The following DNAH1 variants were observed in gnomAD, a reference collection of about 807,000 sequenced individuals.
The protein encoded by DNAH1 is dynein axonemal heavy chain 1.
A neutral mutation model predicts 484.3 loss-of-function variants in DNAH1; 327 were observed. The ratio of observed to expected loss-of-function variants is 0.68; its 90% CI spans 0.62 to 0.74. DNAH1 has a LOEUF of 0.74. Among genes scored for constraint, DNAH1 ranks in the 30% least tolerant of loss-of-function variants. The probability of loss-of-function intolerance (pLI) is 0.00; values close to 1 mark genes in which losing one functional copy is unlikely to be tolerated. For synonymous variants in DNAH1, 2,192 were observed against 2,191.9 expected (o/e 1.00, Z 0.00); for missense variants, 5,052 against 5,546.8 (o/e 0.91, Z 2.83).
chr3:52,372,823 C>T, intron 43 of DNAH1, 73 bp from the exon 44 acceptor site: 1 of 1,531,978 alleles, frequency 6.5e-7, no homozygotes, highest in Non-Finnish European at 8.8e-7. Flanking sequence ...GCAAAGCTGC[C>T]ACCCGTTCGC....
chr3:52,318,242 GT>G (rs1701023200), intron 1 of DNAH1, among the ~76,000 whole-genome samples: 1 of 152,218 alleles, frequency 6.6e-6, no homozygotes, highest in Non-Finnish European at 1.5e-5. Flanking sequence ...TAGAGACGGG[GT>G]TTCACCCTGT....
In DNAH1 at chr3:52,372,949, A is replaced by G. The variant is rs369409075; in HGVS notation, c.6881A>G (p.Asp2294Gly). 6.2e-6 allele frequency: 10 copies of G among 1,613,626 alleles called. No individual in the cohort carries two copies. Among genetic ancestry groups the G allele is most frequent in the Non-Finnish European group, 8.5e-6 (10 of 1,179,812 alleles). Reference protein sequence around the residue: ...PLGRNFIFFIDDLNMPALETY... With the variant: ...PLGRNFIFFIGDLNMPALETY... The stretch of plus-strand genomic sequence containing the variant: ...GGGCGCAACTTTATCTTCTTCATCG[A>G]TGACCTGAACATGCCGGCCCTGGAG... The change falls in exon 44 of 78, where the codon GAT becomes GGT. Residue 2294 changes from aspartate to glycine, a missense_variant. By Grantham distance (94) the Asp-to-Gly change is moderately conservative (BLOSUM62 -1). Coordinates refer to ENST00000420323, the MANE Select transcript of DNAH1 (RefSeq NM_015512.5).
At chr3:52,351,106 T>C (rs1027034672) in intron 16 of DNAH1, among the ~76,000 whole-genome samples, 3 of 152,176 alleles carry the variant, frequency 2.0e-5, no homozygotes, top group Non-Finnish European at 4.4e-5. Context: ...CGCCGCGCCC[T>C]CCCAAACTGC....
intron 15 of DNAH1, 71 bp from the exon 16 acceptor site, chr3:52,350,437 G>A: frequency 7.0e-7 from 1 of 1,429,524 alleles, no homozygotes; most frequent in South Asian, 1.2e-5. Flanking sequence ...CCCGTCTCTG[G>A]GGAGCCAGGT....
At chr3:52,370,690 G>A in intron 40 of DNAH1, 28 bp from the exon 41 acceptor site, 1 of 1,596,772 alleles carries the variant, frequency 6.3e-7, no homozygotes, top group Non-Finnish European at 8.5e-7. Context: ...GGGCCTCACA[G>A]CCTGCTTCTC....
intron 26 of DNAH1, 67 bp from the exon 27 acceptor site, chr3:52,359,849 C>G: frequency 6.3e-7 from 1 of 1,592,092 alleles, no homozygotes; most frequent in Non-Finnish European, 8.6e-7. Flanking sequence ...AGCCCACCCT[C>G]TGTGAAAGGG....
Position 52,361,550 on chromosome 3 carries a change from A to T in DNAH1, c.4875-111A>T. On this transcript the variant is annotated intron_variant, in intron 29 of 77. Transcript: ENST00000420323. The surrounding 1 kb of genome is among the most constrained non-coding windows in gnomAD (Gnocchi z 5.6). Reference sequence around the variant, plus strand: ...TGGGTTGAAGACTGAGCTGATGGAGATTGCCCCTGAGGGCTTCCTCCCAAG... The same window carrying T: ...TGGGTTGAAGACTGAGCTGATGGAGTTTGCCCCTGAGGGCTTCCTCCCAAG... 1 of 1,299,198 alleles carries T rather than the reference A, an allele frequency of 7.7e-7. No homozygotes were observed. Among genetic ancestry groups the T allele is most frequent in the Non-Finnish European group, 1.1e-6 (1 of 936,516 alleles). 80.5% of individuals were successfully genotyped at this position (1,299,198 alleles called of 1,614,324 possible).
rs1449482381 is a variant in DNAH1, at chr3:52,368,504, C to T, written c.5766-237C>T. On this transcript the variant is annotated intron_variant, in intron 36 of 77. Coordinates refer to ENST00000420323, the MANE Select transcript of DNAH1 (RefSeq NM_015512.5). This position sits in a 1 kb window ranked among gnomAD's most constrained non-coding sequence, Gnocchi z 4.4. ...TTGCCTCCTCCCCTGCTCCCTTTTT[C>T]CTGTTGGGATTTCACCTTTAATGGG... Among the ~76,000 whole-genome samples, 1 of 152,176 alleles carries T rather than the reference C, an allele frequency of 6.6e-6. No individual in the cohort carries two copies. The highest frequency in any genetic ancestry group is 1.5e-5 in the Non-Finnish European group (1 of 68,020).
rs1263962505 is a variant in DNAH1 at position 52,355,569 on chromosome 3, C to A, written c.3693+514C>A. On this transcript the variant is annotated intron_variant, in intron 21 of 77. Transcript: ENST00000420323. The surrounding 1 kb of genome is among the most constrained non-coding windows in gnomAD (Gnocchi z 4.5). ...CTAGAGGCAAGGGCTGCCCACAGAG[C>A]CCTGGAGGGCAGTCCCGGGGCCAGC... Among the ~76,000 whole-genome samples the A allele has an allele frequency of 1.3e-5, 2 of 152,262 alleles. No homozygotes were observed. Among genetic ancestry groups the A allele is most frequent in the Non-Finnish European group, 2.9e-5 (2 of 68,044 alleles).
At chr3:52,312,721 C>T (rs903883483), upstream of DNAH1, among the ~76,000 whole-genome samples, 3 of 152,062 alleles carry the variant, frequency 2.0e-5, no homozygotes, top group Non-Finnish European at 2.9e-5. Context: ...GGTGCGATCT[C>T]GGCTCACTGC....
chr3:52,348,103 C>A, intron 12 of DNAH1, 129 bp downstream of exon 12: 2 of 933,792 alleles, frequency 2.1e-6, no homozygotes, highest in African/African-American at 1.7e-5. Context: ...CATGCTCAGC[C>A]CTGTAAATCT....
At chr3:52,322,924 C>G in intron 2 of DNAH1, 149 bp downstream of exon 2, 1 of 741,860 alleles carries the variant, frequency 1.3e-6, no homozygotes. Context: ...CATCTACCCC[C>G]TATTATCCCC....
intron 1 of DNAH1, among the ~76,000 whole-genome samples, chr3:52,318,433 A>T (rs1701030442): frequency 6.6e-6 from 1 of 152,252 alleles, no homozygotes; most frequent in African/African-American, 2.4e-5. Flanking sequence ...AGCACGTGGC[A>T]GTCCCATCAG....
intron 8 of DNAH1, among the ~76,000 whole-genome samples, chr3:52,343,086 G>A (rs1474523257): frequency 6.6e-6 from 1 of 152,194 alleles, no homozygotes; most frequent in South Asian, 2.1e-4. Flanking sequence ...CAGCAGAATA[G>A]GAGGGAGCCA....
At chr3:52,324,952 C>T (rs1303713014) in intron 3 of DNAH1, among the ~76,000 whole-genome samples, 3 of 152,072 alleles carry the variant, frequency 2.0e-5, no homozygotes, top group Non-Finnish European at 2.9e-5. Flanking sequence ...CCCCGGCCCG[C>T]GGACGCAGCA....
rs771584139 is a variant in DNAH1 at position 52,399,566 on chromosome 3, G to T, written c.12463G>T (p.Glu4155Ter). The T allele has an allele frequency of 6.2e-7, 1 of 1,612,642 alleles. No individual in the cohort carries two copies. Among genetic ancestry groups the T allele is most frequent in the South Asian group, 1.1e-5 (1 of 91,012 alleles). Reference sequence around the variant, plus strand: ...ACAGGTGATGTTTGAGGCACCATCAGAGTTAACACAAAGACCCCAAGTAGG... The same window carrying T: ...ACAGGTGATGTTTGAGGCACCATCATAGTTAACACAAAGACCCCAAGTAGG... ...DFKVMFEAPSELTQRPQVGCY... is the reference protein window; with the variant it reads ...DFKVMFEAPS The change falls in exon 77 of 78, where the codon GAG becomes TAG. Residue 4155 changes from glutamate to a stop codon, truncating the protein, a stop_gained. Transcript: ENST00000420323. LOFTEE classifies it high-confidence loss of function.
intron 3 of DNAH1, among the ~76,000 whole-genome samples, chr3:52,324,818 G>T (rs1364990510): frequency 6.6e-6 from 1 of 152,140 alleles, no homozygotes; most frequent in East Asian, 1.9e-4. Context: ...GGGGGTGATT[G>T]GCAGATGGCA....
Position 52,392,484 on chromosome 3 carries a change from TG to T in DNAH1, c.10076del (p.Gly3359AlafsTer3), listed in dbSNP as rs1559569170. 6.2e-7 allele frequency: 1 copy of T among 1,613,738 alleles called. No homozygotes were observed. The highest frequency in any genetic ancestry group is 1.7e-5 in the Admixed American group (1 of 60,030). Reference protein sequence around the residue: ...LSPSGLEDQLLGQVVAEERPD... With the variant: ...LSPSGLEDQLXGQVVAEERPD... ...GGCAGTGGCCTAGAGGACCAGCTAC[TG>T]GGCCAGGTAGTGGCAGAGGAGCGAC... is the stretch of plus-strand genomic sequence containing the variant. On this transcript the variant is annotated frameshift_variant, in exon 64 of 78. Transcript: ENST00000420323. LOFTEE classifies it high-confidence loss of function.
At chr3:52,338,676 A>G (rs1160669283) in intron 8 of DNAH1, among the ~76,000 whole-genome samples, 2 of 152,142 alleles carry the variant, frequency 1.3e-5, no homozygotes, top group Non-Finnish European at 2.9e-5. Context: ...CTTTTATTCT[A>G]TGAGTTTTTT....
Sources: gnomAD v4.1 joint callset for allele counts (sites outside exome capture counted in the v4.1 genomes callset) on GRCh38, gnomAD v4.1.1 for gene constraint, Gnocchi (gnomAD v3.1) non-coding constraint, MANE v1.5 for transcripts, NCBI Gene and HGNC (gene_info 2026-07-23, HGNC 2026-07-21) for gene names.